The following CSMD3 variants were observed in gnomAD, a reference collection of about 807,000 sequenced individuals.
CSMD3 encodes the protein CUB and Sushi multiple domains 3, also known as CUB and sushi domain-containing protein 3.
A neutral mutation model predicts 435.2 loss-of-function variants in CSMD3; 177 were observed. That is an observed-to-expected ratio of 0.41 (90% confidence interval 0.36 to 0.46). CSMD3 has a LOEUF of 0.46. Among genes scored for constraint, CSMD3 ranks in the 20% least tolerant of loss-of-function variants. CSMD3 has a pLI of 0.34. For missense variants in CSMD3, 4,265 were observed against 4,504.6 expected (o/e 0.95, Z 1.52); for synonymous variants, 1,656 against 1,520.5 (o/e 1.09, Z -2.07).
intron 2 of CSMD3, 129 bp downstream of exon 2, chr8:113,314,442 A>T: frequency 1.5e-6 from 1 of 675,278 alleles, no homozygotes; most frequent in South Asian, 1.7e-5. Flanking sequence ...ATTTTCAAAT[A>T]AATAATAATT....
chr8:112,848,300 A>T (rs184581697), intron 11 of CSMD3, among the ~76,000 whole-genome samples: 87 of 152,296 alleles, frequency 5.7e-4, no homozygotes, highest in African/African-American at 2.0e-3. Context: ...GCATTTATTT[A>T]TAAAGCAGTA....
At chr8:112,560,568 C>T (rs1259909616) in intron 24 of CSMD3, among the ~76,000 whole-genome samples, 1 of 151,646 alleles carries the variant, frequency 6.6e-6, no homozygotes, top group Non-Finnish European at 1.5e-5. Flanking sequence ...TCCTGAATAT[C>T]TCAATTTATG....
intron 10 of CSMD3, among the ~76,000 whole-genome samples, chr8:112,881,504 T>C (rs1026490): frequency 0.57 from 86,208 of 151,900 alleles, 26,074 homozygotes; most frequent in East Asian, 0.83. Flanking sequence ...TTAAGAATTA[T>C]TGTGAACAGG....
At chr8:112,410,151 C>T (rs1832201486) in intron 32 of CSMD3, among the ~76,000 whole-genome samples, 1 of 151,788 alleles carries the variant, frequency 6.6e-6, no homozygotes, top group Admixed American at 6.6e-5. Context: ...TTCAGGTATA[C>T]ACATAATATG....
At chr8:113,059,197 G>T (rs1039652666) in intron 5 of CSMD3, among the ~76,000 whole-genome samples, 12 of 152,116 alleles carry the variant, frequency 7.9e-5, no homozygotes, top group Non-Finnish European at 1.6e-4. Flanking sequence ...CAATTTGGAT[G>T]ATTTTATTTT....
At chr8:112,794,256 T>TCAATTGCCC (rs2078766039) in intron 13 of CSMD3, among the ~76,000 whole-genome samples, 1 of 149,608 alleles carries the variant, frequency 6.7e-6, no homozygotes, top group African/African-American at 2.5e-5. Flanking sequence ...AGAAACTATA[T>TCAATTGCCC]CAATTGCCCC....
rs1816855630 is a variant in CSMD3, at chr8:112,265,489, T to G, written c.9610A>C (p.Thr3204Pro). The G allele has an allele frequency of 6.2e-7, 1 of 1,613,726 alleles. No homozygotes were observed. The highest frequency in any genetic ancestry group is 1.1e-5 in the South Asian group (1 of 91,078). Residue 3204 changes from threonine (T) to proline (P), a missense_variant, in exon 60 of 71, where the codon ACG (threonine) becomes CCG (proline). By Grantham distance (38) the Thr-to-Pro change is conservative. Around this residue, in one of 3 missense-constraint regions of CSMD3, gnomAD observed 3,255 missense variants for 3,380.2 expected, o/e 0.96. Transcript: ENST00000297405. ...NVSYMCQPGY[T>P]MELNGSRIRT... The stretch of plus-strand genomic sequence containing the variant: ...ATTCTGGAGCCATTCAATTCCATCG[T>G]GTAGCCTGGCTGGCACATGTAAGAA...
At chr8:112,390,566 C>T in intron 36 of CSMD3, 98 bp downstream of exon 36, 1 of 1,040,512 alleles carries the variant, frequency 9.6e-7, no homozygotes. Flanking sequence ...CAGTCAAAAC[C>T]ACTTGCTAAA....
At chr8:112,928,119 T>G (rs1210214467) in intron 9 of CSMD3, among the ~76,000 whole-genome samples, 1 of 152,094 alleles carries the variant, frequency 6.6e-6, no homozygotes, top group Non-Finnish European at 1.5e-5. Context: ...TCTACTTATA[T>G]ACTTCTATGA....
In CSMD3 at chr8:112,265,482, TC is replaced by T. The variant is rs763879398; in HGVS notation, c.9616del (p.Glu3206AsnfsTer2). The T allele has an allele frequency of 1.2e-6, 2 of 1,613,778 alleles. No individual in the cohort carries two copies. The highest frequency in any genetic ancestry group is 8.5e-7 in the Non-Finnish European group (1 of 1,179,698). ...SYMCQPGYTM[E>X]LNGSRIRTCT... is the part of the protein sequence containing the mutation. ...AGTCCTGATTCTGGAGCCATTCAAT[TC>T]CATCGTGTAGCCTGGCTGGCACATG... On this transcript the variant is annotated frameshift_variant, in exon 60 of 71. Transcript: ENST00000297405. LOFTEE classifies it high-confidence loss of function.
chr8:112,866,295 C>A (rs1369733999), intron 10 of CSMD3, among the ~76,000 whole-genome samples: 10 of 151,956 alleles, frequency 6.6e-5, no homozygotes, highest in Admixed American at 6.6e-4. Context: ...CTTTTTTTAA[C>A]TTGTAAACTT....
intron 58 of CSMD3, among the ~76,000 whole-genome samples, chr8:112,283,354 C>G (rs572501995): frequency 3.6e-4 from 55 of 151,410 alleles, no homozygotes; most frequent in Non-Finnish European, 3.5e-4. Context: ...AATCATGGTA[C>G]CATTTGTTTC....
intron 6 of CSMD3, among the ~76,000 whole-genome samples, chr8:113,003,177 G>A (rs1002423204): frequency 1.1e-4 from 16 of 151,992 alleles, no homozygotes; most frequent in South Asian, 2.1e-4. Flanking sequence ...CCCAGGCAGC[G>A]GAGGTTGCAG....
At chr8:113,248,981 C>T (rs981453316) in intron 3 of CSMD3, among the ~76,000 whole-genome samples, 8 of 152,078 alleles carry the variant, frequency 5.3e-5, no homozygotes, top group African/African-American at 1.9e-4. Context: ...ACTCAAATCT[C>T]ACTTTGAATT....
At chr8:113,198,642 A>T (rs898084837) in intron 3 of CSMD3, among the ~76,000 whole-genome samples, 1 of 150,928 alleles carries the variant, frequency 6.6e-6, no homozygotes, top group Non-Finnish European at 1.5e-5. Context: ...TAGTATTAAA[A>T]TTTTTTTTGG....
At chr8:113,017,963 G>T (rs1471330118) in intron 6 of CSMD3, among the ~76,000 whole-genome samples, 3 of 151,946 alleles carry the variant, frequency 2.0e-5, no homozygotes, top group Non-Finnish European at 4.4e-5. Flanking sequence ...TTAACACATT[G>T]CATAGTTTTA....
At chr8:113,398,120 C>A (rs1251846640) in intron 1 of CSMD3, among the ~76,000 whole-genome samples, 1 of 152,126 alleles carries the variant, frequency 6.6e-6, no homozygotes, top group Non-Finnish European at 1.5e-5. Flanking sequence ...TGGAAACTCT[C>A]CCCATCCCCA....
rs376030639 is a variant in CSMD3, at chr8:112,237,172, C to T, written c.10627+18G>A. ...AAAGTCATGAAGGTATATTTCGCTG[C>T]TGTTTTTATTGCGATACCTGAAAGT... On this transcript the variant is annotated intron_variant, in intron 67 of 70. Coordinates refer to ENST00000297405, the MANE Select transcript of CSMD3 (RefSeq NM_198123.2). 4 of 1,612,378 alleles carry T rather than the reference C, an allele frequency of 2.5e-6. No individual in the cohort carries two copies. The African/African-American group carries it at 4.0e-5, about 16-fold the overall frequency.
At chr8:112,580,706 T>C (rs1229770911) in intron 23 of CSMD3, among the ~76,000 whole-genome samples, 1 of 151,974 alleles carries the variant, frequency 6.6e-6, no homozygotes, top group Admixed American at 6.6e-5. Context: ...GGTTTTGCAG[T>C]TGGGATAACT....
Sources: gnomAD v4.1 joint callset for allele counts (sites outside exome capture counted in the v4.1 genomes callset) on GRCh38, gnomAD v4.1.1 for gene constraint, gnomAD v4.1.1 regional missense constraint, MANE v1.5 for transcripts, NCBI Gene and HGNC (gene_info 2026-07-23, HGNC 2026-07-21) for gene names.